Variants in SDK1 observed in about 807,000 individuals in gnomAD.
SDK1 encodes protein sidekick-1.
Under a neutral mutation model 245.5 loss-of-function variants are expected in SDK1, and 157 were observed. The ratio of observed to expected loss-of-function variants is 0.64; its 90% confidence interval spans 0.56 to 0.73. The LOEUF is 0.73. Ranked by LOEUF, SDK1 falls within the 30% of genes least tolerant of loss-of-function variation. The pLI is 0.00. For missense variants in SDK1, 3,583 were observed against 3,002.3 expected, an observed-to-expected ratio of 1.19 and a Z score of -4.52; for synonymous variants, 1,647 against 1,278.5, an observed-to-expected ratio of 1.29 and a Z score of -6.15.
intron 1 of SDK1, among the ~76,000 whole-genome samples, chr7:3,432,672 T>G (rs1239632860): frequency 1.3e-5 from 2 of 152,164 alleles, no homozygotes; most frequent in East Asian, 3.9e-4. Context: ...TTTGCTGTCT[T>G]CCCAGTGTAG....
rs114361439 is a variant in SDK1 at position 3,765,778 on chromosome 7, T to G, written c.714-55672T>G. ...CTGTTAGGGCATTATATTGATTTTT[T>G]TTAAAAATTCTATGTAAAAGGCTGG... is the stretch of plus-strand genomic sequence containing the variant. On this transcript the variant is annotated intron_variant, in intron 4 of 44. Coordinates refer to ENST00000404826, the MANE Select transcript of SDK1 (RefSeq NM_152744.4). 5.8e-3 allele frequency among the ~76,000 whole-genome samples: 879 copies of G among 152,320 alleles called. 7 individuals are homozygous for G. The highest frequency in any genetic ancestry group is 0.02 in the African/African-American group (822 of 41,566).
At chr7:3,477,351 A>C (rs918401627) in intron 1 of SDK1, among the ~76,000 whole-genome samples, 1 of 146,160 alleles carries the variant, frequency 6.8e-6, no homozygotes, top group African/African-American at 2.5e-5. Context: ...GTGCGCCACC[A>C]CACCTGGTGA....
intron 4 of SDK1, among the ~76,000 whole-genome samples, chr7:3,648,164 A>G (rs1479661306): frequency 6.6e-6 from 1 of 152,330 alleles, no homozygotes; most frequent in East Asian, 1.9e-4. Context: ...TGGTTTAGAT[A>G]TATTTTCTTT....
rs1318004836 is a variant in SDK1 at position 3,672,359 on chromosome 7, C to G, written c.713+30254C>G. Among the ~76,000 whole-genome samples, 7 of 151,888 alleles carry G rather than the reference C, an allele frequency of 4.6e-5. No homozygotes were observed. The East Asian group carries it at 1.4e-3, about 30-fold the overall frequency. On this transcript the variant is annotated intron_variant, in intron 4 of 44. Coordinates refer to ENST00000404826, the MANE Select transcript of SDK1 (RefSeq NM_152744.4). ...GCACCCCCAAGTTCTTGAAGTGTCT[C>G]TCTGTTTCTTGCCGTTACTGGAGGT...
chr7:4,087,315 A>T (rs553110922), intron 22 of SDK1, among the ~76,000 whole-genome samples: 2 of 152,256 alleles, frequency 1.3e-5, no homozygotes, highest in South Asian at 4.1e-4. Flanking sequence ...TTAAATTCTC[A>T]TACGCACTTT....
chr7:4,142,007 G>A (rs1405068414), intron 28 of SDK1, among the ~76,000 whole-genome samples: 3 of 151,948 alleles, frequency 2.0e-5, no homozygotes, highest in Non-Finnish European at 4.4e-5. Flanking sequence ...CACCTGCCTC[G>A]GCCTCCCAAA....
chr7:4,178,269 G>C (rs1782363694), intron 34 of SDK1, among the ~76,000 whole-genome samples: 1 of 152,194 alleles, frequency 6.6e-6, no homozygotes, highest in South Asian at 2.1e-4. Context: ...GATAGGATGG[G>C]TACGTCTTTT....
intron 5 of SDK1, among the ~76,000 whole-genome samples, chr7:3,930,015 G>C (rs1779916727): frequency 1.3e-5 from 2 of 152,096 alleles, no homozygotes; most frequent in African/African-American, 2.4e-5. Context: ...TTGGTAAACA[G>C]GTGAATGCAG....
intron 14 of SDK1, among the ~76,000 whole-genome samples, chr7:3,997,390 G>A (rs947278910): frequency 6.6e-6 from 1 of 151,862 alleles, no homozygotes; most frequent in African/African-American, 2.4e-5. Context: ...CAGCAGAGAG[G>A]AGGCCTGGAG....
intron 4 of SDK1, among the ~76,000 whole-genome samples, chr7:3,693,497 A>G (rs1583314046): frequency 6.6e-6 from 1 of 152,330 alleles, no homozygotes; most frequent in East Asian, 1.9e-4. Flanking sequence ...TTCCTCCAGA[A>G]GTATTATCTG....
At position 3,317,413 on chromosome 7, in the gene SDK1, A is replaced by G. The variant is rs564705811; in HGVS notation, c.298+15529A>G. Among the ~76,000 whole-genome samples, 18 of 152,166 alleles carry G rather than the reference A, an allele frequency of 1.2e-4. No homozygotes were observed. In the East Asian group the frequency reaches 3.5e-3, roughly 29 times the overall value. On this transcript the variant is annotated intron_variant, in intron 1 of 44. Transcript: ENST00000404826. The stretch of plus-strand genomic sequence containing the variant: ...TTGTTTTCATCTATCTGCTTTCCAG[A>G]CTAATTGGGGAGCAAGAATTCCTTT...
chr7:3,476,634 T>C (rs1197511808), intron 1 of SDK1, among the ~76,000 whole-genome samples: 2 of 152,210 alleles, frequency 1.3e-5, no homozygotes, highest in Non-Finnish European at 2.9e-5. Context: ...TGGATTTATT[T>C]TATATGTTGA....
intron 1 of SDK1, among the ~76,000 whole-genome samples, chr7:3,482,510 A>G (rs563151516): frequency 6.6e-6 from 1 of 152,334 alleles, no homozygotes; most frequent in African/African-American, 2.4e-5. Context: ...GTGAATGAGA[A>G]AGAAATCTCT....
intron 20 of SDK1, among the ~76,000 whole-genome samples, chr7:4,071,409 G>C (rs1184012963): frequency 6.6e-6 from 1 of 152,204 alleles, no homozygotes; most frequent in Admixed American, 6.5e-5. Context: ...ACTTTAAATA[G>C]TGTGAAAACT....
chr7:3,323,662 A>G (rs1239075328), intron 1 of SDK1, among the ~76,000 whole-genome samples: 1 of 152,116 alleles, frequency 6.6e-6, no homozygotes, highest in Non-Finnish European at 1.5e-5. Flanking sequence ...TGCTTTGAGT[A>G]TTTCTGACTT....
chr7:3,610,729 T>C (rs1219585097), intron 1 of SDK1, among the ~76,000 whole-genome samples: 1 of 152,216 alleles, frequency 6.6e-6, no homozygotes, highest in Admixed American at 6.5e-5. Context: ...TTCCCTTAAA[T>C]ATGGTGTTAA....
intron 1 of SDK1, among the ~76,000 whole-genome samples, chr7:3,326,090 G>C (rs182736493): frequency 2.9e-4 from 44 of 152,234 alleles, no homozygotes; most frequent in Admixed American, 5.9e-4. Context: ...TAATAAGGTA[G>C]TTAGTTTTTT....
chr7:4,091,457 C>G (rs1222243970), intron 22 of SDK1, among the ~76,000 whole-genome samples: 1 of 150,962 alleles, frequency 6.6e-6, no homozygotes, highest in Non-Finnish European at 1.5e-5. Flanking sequence ...ATTCTCATGC[C>G]TCAGCTTCCT....
At chr7:3,386,111 A>C (rs1781603870) in intron 1 of SDK1, among the ~76,000 whole-genome samples, 1 of 152,168 alleles carries the variant, frequency 6.6e-6, no homozygotes, top group Admixed American at 6.5e-5. Context: ...AATTCATGGA[A>C]CCACTTATGT....
Sources: allele counts gnomAD v4.1 joint callset (sites outside exome capture counted in the v4.1 genomes callset), GRCh38; gene constraint gnomAD v4.1.1; transcripts MANE v1.5; gene names NCBI Gene and HGNC (gene_info 2026-07-23, HGNC 2026-07-21).